The following MED13 variants were observed in gnomAD, a reference collection of about 807,000 sequenced individuals.
The protein encoded by MED13 is mediator complex subunit 13, also known as mediator of RNA polymerase II transcription subunit 13.
In MED13, 23 loss-of-function variants were observed where a neutral mutation model predicts 225.2. The ratio of observed to expected loss-of-function variants is 0.10; its 90% confidence interval spans 0.07 to 0.14. The LOEUF (loss-of-function observed/expected upper bound fraction) is 0.14. MED13 is among the 10% of genes least tolerant of loss of function. MED13 has a pLI of 1.00. For missense variants in MED13, 2,197 were observed against 2,594.5 expected, an observed-to-expected ratio of 0.85 and a Z score of 3.33; for synonymous variants, 942 against 889.2, an observed-to-expected ratio of 1.06 and a Z score of -1.06.
intron 9 of MED13, among the ~76,000 whole-genome samples, chr17:62,007,673 C>T (rs552832791): frequency 1.7e-4 from 26 of 151,770 alleles, no homozygotes; most frequent in Admixed American, 1.7e-3. Context: ...ACGGTGAAAC[C>T]CCGTCTCTAC....
chr17:61,983,931 T>C (rs765682055), intron 15 of MED13, among the ~76,000 whole-genome samples: 3 of 152,110 alleles, frequency 2.0e-5, no homozygotes, highest in Non-Finnish European at 4.4e-5. Flanking sequence ...GTTTCGTATG[T>C]TGGCCAGGCT....
At chr17:62,018,464 G>A (rs2080604359) in intron 8 of MED13, among the ~76,000 whole-genome samples, 1 of 152,134 alleles carries the variant, frequency 6.6e-6, no homozygotes, top group Admixed American at 6.5e-5. Flanking sequence ...CAACACTTTG[G>A]GAGGCTGAGG....
At position 61,984,227 on chromosome 17, in the gene MED13, A is replaced by T; in HGVS notation, c.2832T>A (p.Thr944=). 6.2e-7 allele frequency: 1 copy of T among 1,603,280 alleles called. No homozygotes were observed. Among genetic ancestry groups the T allele is most frequent in the Non-Finnish European group, 8.5e-7 (1 of 1,176,314 alleles). Residue 944 remains threonine, a synonymous_variant, in exon 15 of 30, where the codon ACT becomes ACA. Coordinates refer to ENST00000397786, the MANE Select transcript of MED13 (RefSeq NM_005121.3). ...AAGAAAGCAATTCCAATTTTCCAAC[A>T]GTCCAACTCTGACGGTAAATACACT... is the stretch of plus-strand genomic sequence containing the variant. The part of the protein sequence containing the change: ...PEECIYRQSW[T]VGKLELLSSG...
rs760768932 is a variant in MED13, at chr17:62,010,913, G to A, written c.1604C>T (p.Pro535Leu). The change falls in exon 9 of 30, where the codon CCA (proline) becomes CTA (leucine). Residue 535 changes from proline to leucine, a missense_variant. Coordinates refer to ENST00000397786, the MANE Select transcript of MED13 (RefSeq NM_005121.3). Reference sequence around the variant, plus strand: ...CACATCACAAGGGTGAGGACTAAGTGGGGGTGGTTGAGGTGAATTTGCCAT... The same window carrying A: ...CACATCACAAGGGTGAGGACTAAGTAGGGGTGGTTGAGGTGAATTTGCCAT... ...TEMANSPQPP[P>L]LSPHPCDVVD... The A allele has an allele frequency of 6.2e-7, 1 of 1,612,992 alleles. No individual in the cohort carries two copies. Among genetic ancestry groups the A allele is most frequent in the Non-Finnish European group, 8.5e-7 (1 of 1,179,030 alleles).
intron 23 of MED13, among the ~76,000 whole-genome samples, chr17:61,958,401 T>C: frequency 6.6e-6 from 1 of 151,240 alleles, no homozygotes; most frequent in East Asian, 2.0e-4. Context: ...TGCAGTGGTG[T>C]GATCTCGGCT....
intron 3 of MED13, among the ~76,000 whole-genome samples, chr17:62,045,954 A>G (rs1345285114): frequency 6.6e-6 from 1 of 152,212 alleles, no homozygotes; most frequent in Non-Finnish European, 1.5e-5. Flanking sequence ...AAAATTTTAA[A>G]GAAAGGAAAA....
chr17:62,018,025 G>T lies in MED13; in HGVS notation c.1284-6792C>A, dbSNP rs186495451. Among the ~76,000 whole-genome samples, 458 of 152,250 alleles carry T rather than the reference G, an allele frequency of 3.0e-3. 2 individuals are homozygous for T. The highest frequency in any genetic ancestry group is 0.011 in the African/African-American group (440 of 41,554). On this transcript the variant is annotated intron_variant, in intron 8 of 29. Coordinates refer to ENST00000397786, the MANE Select transcript of MED13 (RefSeq NM_005121.3). ...ATTTGTTTATTAGGTTATCAAACAT[G>T]AACAAAATGAGTTTGTCATTTAAGG...
At chr17:62,045,963 A>G (rs1412394429) in intron 3 of MED13, among the ~76,000 whole-genome samples, 2 of 152,214 alleles carry the variant, frequency 1.3e-5, no homozygotes, top group Non-Finnish European at 2.9e-5. Flanking sequence ...AAGAAAGGAA[A>G]AAGAAGATAA....
intron 20 of MED13, among the ~76,000 whole-genome samples, chr17:61,964,374 C>A (rs1049269267): frequency 1.3e-5 from 2 of 151,734 alleles, no homozygotes; most frequent in African/African-American, 4.8e-5. Flanking sequence ...GAGTTCCAGA[C>A]CAGCCAGGGC....
intron 20 of MED13, among the ~76,000 whole-genome samples, chr17:61,964,472 G>A (rs2080036136): frequency 6.6e-6 from 1 of 152,108 alleles, no homozygotes; most frequent in Admixed American, 6.5e-5. Context: ...GGCTGAGGTG[G>A]GAGGATCACC....
chr17:61,947,426 G>T (rs1366145561), intron 28 of MED13, among the ~76,000 whole-genome samples: 2 of 152,100 alleles, frequency 1.3e-5, no homozygotes, highest in African/African-American at 4.8e-5. Context: ...CTTAGAAAAA[G>T]AATTTCTAAT....
chr17:62,043,735 C>G (rs1171957793), intron 3 of MED13, among the ~76,000 whole-genome samples: 3 of 152,174 alleles, frequency 2.0e-5, no homozygotes, highest in African/African-American at 7.2e-5. Context: ...CACCTAATTT[C>G]AAAAGCAGTA....
At chr17:61,972,604 C>T (rs2143409664) in intron 17 of MED13, 123 bp downstream of exon 17, 1 of 881,068 alleles carries the variant, frequency 1.1e-6, no homozygotes, top group Non-Finnish European at 1.7e-6. Context: ...GATTGGACCA[C>T]AGTGGCCTTA....
chr17:61,957,378 C>A (rs879494333), intron 23 of MED13, among the ~76,000 whole-genome samples: 1 of 151,324 alleles, frequency 6.6e-6, no homozygotes. Context: ...GAGACGGAGT[C>A]TTGCTCTGTC....
intron 1 of MED13, among the ~76,000 whole-genome samples, chr17:62,064,859 C>T (rs1480321320): frequency 6.6e-6 from 1 of 152,182 alleles, no homozygotes; most frequent in Non-Finnish European, 1.5e-5. Flanking sequence ...GGTTACTGTC[C>T]TGCCAGATAA....
At chr17:62,040,222 T>G (rs187903791) in intron 3 of MED13, among the ~76,000 whole-genome samples, 1 of 152,270 alleles carries the variant, frequency 6.6e-6, no homozygotes, top group Admixed American at 6.5e-5. Context: ...TATTTAACAC[T>G]CAGAAAAGTG....
At chr17:62,019,065 G>C (rs950721853) in intron 8 of MED13, among the ~76,000 whole-genome samples, 9 of 152,268 alleles carry the variant, frequency 5.9e-5, no homozygotes, top group Non-Finnish European at 1.2e-4. Context: ...TATCAAAGAA[G>C]AATATCCACA....
intron 2 of MED13, among the ~76,000 whole-genome samples, chr17:62,062,518 CA>C (rs2081046540): frequency 1.3e-5 from 2 of 152,004 alleles, no homozygotes; most frequent in Non-Finnish European, 2.9e-5. Context: ...ACTAAATTAA[CA>C]TATGCCTTCA....
Position 62,010,744 on chromosome 17 carries a change from C to A in MED13, c.1773G>T (p.Gln591His). The A allele has an allele frequency of 6.2e-7, 1 of 1,613,792 alleles. No homozygotes were observed. Among genetic ancestry groups the A allele is most frequent in the South Asian group, 1.1e-5 (1 of 91,026 alleles). ...SLSQSFPPQY[Q>H]EAVEPTVYVG... ...CATATACTGTAGGTTCTACAGCTTCCTGATATTGAGGTGGGAAAGACTGGG... is the reference window on the plus strand; with the variant it reads ...CATATACTGTAGGTTCTACAGCTTCATGATATTGAGGTGGGAAAGACTGGG... The change falls in exon 9 of 30, where the codon CAG becomes CAT. Residue 591 changes from glutamine to histidine, a missense_variant. Transcript: ENST00000397786.
Sources: gnomAD v4.1 joint callset for allele counts (sites outside exome capture counted in the v4.1 genomes callset) on GRCh38, gnomAD v4.1.1 for gene constraint, MANE v1.5 for transcripts, NCBI Gene and HGNC (gene_info 2026-07-23, HGNC 2026-07-21) for gene names.